Variants in PTPRK observed in about 807,000 individuals in gnomAD.
The protein encoded by PTPRK is receptor-type tyrosine-protein phosphatase kappa.
Under a neutral mutation model 178.0 loss-of-function variants are expected in PTPRK, and 75 were observed. That is an observed-to-expected ratio of 0.42 (90% CI 0.35 to 0.51). The LOEUF (loss-of-function observed/expected upper bound fraction) is 0.51, where lower values mean the gene tolerates loss of function less well. Ranked by LOEUF, PTPRK falls within the 20% of genes least tolerant of loss-of-function variation. The pLI, the probability that PTPRK is intolerant of heterozygous loss-of-function variation, is 0.02. For synonymous variants in PTPRK, 637 were observed against 620.6 expected (o/e 1.03, Z -0.39); for missense variants, 1,441 against 1,797.8 (o/e 0.80, Z 3.59).
At chr6:128,402,266 T>C (rs2128372454) in intron 1 of PTPRK, among the ~76,000 whole-genome samples, 1 of 152,332 alleles carries the variant, frequency 6.6e-6, no homozygotes, top group Non-Finnish European at 1.5e-5. Flanking sequence ...TTTGTTTTTG[T>C]TTTTGTTTAG....
At chr6:128,064,660 GA>G (rs1264076949) in intron 13 of PTPRK, 97 bp downstream of exon 13, 1 of 1,448,962 alleles carries the variant, frequency 6.9e-7, no homozygotes, top group Admixed American at 2.6e-5. Context: ...AACTATAACA[GA>G]AATGTCATAT....
chr6:128,169,027 G>C (rs1340145833), intron 7 of PTPRK, among the ~76,000 whole-genome samples: 3 of 151,924 alleles, frequency 2.0e-5, no homozygotes, highest in Admixed American at 2.0e-4. Flanking sequence ...TTTTTTTCTT[G>C]AAGTCAAATG....
At chr6:128,240,601 T>A (rs1431385903) in intron 4 of PTPRK, among the ~76,000 whole-genome samples, 1 of 152,208 alleles carries the variant, frequency 6.6e-6, no homozygotes, top group Non-Finnish European at 1.5e-5. Flanking sequence ...CTTATTAGGC[T>A]ACATTTTAAG....
chr6:128,180,774 A>C (rs1388013075), intron 7 of PTPRK, among the ~76,000 whole-genome samples: 3 of 152,132 alleles, frequency 2.0e-5, no homozygotes, highest in African/African-American at 7.2e-5. Flanking sequence ...ATATTTTCTC[A>C]GAGAATAAGT....
intron 2 of PTPRK, among the ~76,000 whole-genome samples, chr6:128,364,688 G>A (rs1024097775): frequency 6.6e-6 from 1 of 151,944 alleles, no homozygotes; most frequent in African/African-American, 2.4e-5. Flanking sequence ...GTATTTTAAA[G>A]TATATGGATA....
chr6:128,322,138 T>A lies in PTPRK; in HGVS notation c.396A>T (p.Gly132=), dbSNP rs1828883894. 6.2e-7 allele frequency: 1 copy of A among 1,613,724 alleles called. No homozygotes were observed. The highest frequency in any genetic ancestry group is 8.5e-7 in the Non-Finnish European group (1 of 1,179,894). ...CATTCCAAATTGGATTGGCAAGAGGTCCTTTATTCACCCTAACTAATATGT... is the reference window on the plus strand; with the variant it reads ...CATTCCAAATTGGATTGGCAAGAGGACCTTTATTCACCCTAACTAATATGT... ...TLNILVRVNK[G]PLANPIWNVT... Residue 132 remains glycine (G), a synonymous_variant, in exon 3 of 30, where the codon GGA becomes GGT. Transcript: ENST00000368226.
intron 13 of PTPRK, among the ~76,000 whole-genome samples, chr6:128,010,528 A>G (rs1778938660): frequency 1.3e-5 from 2 of 151,252 alleles, no homozygotes; most frequent in African/African-American, 4.8e-5. Context: ...ACATCCAAGT[A>G]TCTGCTCCAC....
At chr6:128,480,148 T>G (rs2128423306) in intron 1 of PTPRK, among the ~76,000 whole-genome samples, 1 of 152,250 alleles carries the variant, frequency 6.6e-6, no homozygotes, top group Admixed American at 6.5e-5. Context: ...GTGAGCTCAT[T>G]GTTCTCATCC....
intron 13 of PTPRK, among the ~76,000 whole-genome samples, chr6:128,041,780 GTAGA>G (rs1011786597): frequency 3.3e-5 from 5 of 151,530 alleles, no homozygotes; most frequent in African/African-American, 1.2e-4. Flanking sequence ...CTGTGTATGT[GTAGA>G]TATACAGTTT....
At chr6:128,243,620 G>C (rs1814917452) in intron 3 of PTPRK, among the ~76,000 whole-genome samples, 1 of 151,788 alleles carries the variant, frequency 6.6e-6, no homozygotes, top group East Asian at 1.9e-4. Context: ...CTTGAACCCA[G>C]GAGTTCAAGG....
At chr6:128,460,303 G>A (rs986338401) in intron 1 of PTPRK, among the ~76,000 whole-genome samples, 4 of 152,040 alleles carry the variant, frequency 2.6e-5, no homozygotes, top group African/African-American at 9.7e-5. Context: ...CAGCACTTTG[G>A]AAGGTCAAGG....
chr6:128,025,254 T>C (rs1774109404), intron 13 of PTPRK, among the ~76,000 whole-genome samples: 1 of 152,272 alleles, frequency 6.6e-6, no homozygotes, highest in African/African-American at 2.4e-5. Flanking sequence ...TTAGTTTGTA[T>C]GAATTCATAT....
At chr6:128,282,688 T>C (rs73596676) in intron 3 of PTPRK, among the ~76,000 whole-genome samples, 2,245 of 152,290 alleles carry the variant, frequency 0.015, 53 homozygotes, top group African/African-American at 0.049. Flanking sequence ...TTTATCATAA[T>C]AGAGAGACAG....
At chr6:128,258,381 C>T (rs1817663934) in intron 3 of PTPRK, among the ~76,000 whole-genome samples, 1 of 152,096 alleles carries the variant, frequency 6.6e-6, no homozygotes, top group South Asian at 2.1e-4. Flanking sequence ...GTTTAACTGG[C>T]TAATATCTCT....
chr6:128,008,080 A>T (rs1216644574), intron 14 of PTPRK: 1 of 1,346,838 alleles, frequency 7.4e-7, no homozygotes. Flanking sequence ...CTTCTCCAAC[A>T]TATATATCTC....
rs776671254 is a variant in PTPRK, at chr6:127,973,788, G to A, written c.4009C>T (p.Leu1337=). 5.6e-6 allele frequency: 9 copies of A among 1,613,880 alleles called. No individual in the cohort carries two copies. In the Admixed American group the frequency reaches 6.7e-5, roughly 12 times the overall value. The change falls in exon 28 of 30, where the codon CTA becomes TTA. Residue 1337 remains leucine, a synonymous_variant. Coordinates refer to ENST00000368226, the MANE Select transcript of PTPRK (RefSeq NM_002844.4). ...ACTTCTCGATGAGAAGCCCATCCTA[G>A]GTACTGAAACTGTTGCACCATCAGA... is the stretch of plus-strand genomic sequence containing the variant. ...GYLMVQQFQY[L]GWASHREVPG... is the part of the protein sequence containing the mutation.
chr6:128,141,640 T>C (rs1343135882), intron 7 of PTPRK, among the ~76,000 whole-genome samples: 2 of 151,986 alleles, frequency 1.3e-5, no homozygotes, highest in African/African-American at 2.4e-5. Context: ...ATTTTGACTA[T>C]CTTTTAAACA....
At chr6:128,422,675 G>A (rs1309812003) in intron 1 of PTPRK, among the ~76,000 whole-genome samples, 4 of 14,778 alleles carry the variant, frequency 2.7e-4, no homozygotes, top group Non-Finnish European at 3.5e-4. Context: ...TTTCACGGAC[G>A]CAAAAAAAAA....
At chr6:128,234,007 A>G (rs1812775127) in intron 5 of PTPRK, among the ~76,000 whole-genome samples, 1 of 152,198 alleles carries the variant, frequency 6.6e-6, no homozygotes, top group African/African-American at 2.4e-5. Context: ...TTGCAGCAAT[A>G]GGCTCTATTT....
Sources: gnomAD v4.1 joint callset for allele counts (sites outside exome capture counted in the v4.1 genomes callset) on GRCh38, gnomAD v4.1.1 for gene constraint, MANE v1.5 for transcripts, NCBI Gene and HGNC (gene_info 2026-07-23, HGNC 2026-07-21) for gene names.